The following THOC7 variants were observed in gnomAD, a reference collection of about 807,000 sequenced individuals.
The protein encoded by THOC7 is THO complex subunit 7, also known as NIF3L1-binding protein 1.
A neutral mutation model predicts 33.1 loss-of-function variants in THOC7; 22 were observed. The ratio of observed to expected loss-of-function variants is 0.66; its 90% CI spans 0.47 to 0.95. THOC7 has a LOEUF of 0.95. Among genes scored for constraint, THOC7 ranks in the 40% least tolerant of loss-of-function variants. The pLI is 0.00. For synonymous variants in THOC7, 77 were observed against 76.8 expected, an observed-to-expected ratio of 1.00 and a Z score of -0.01; for missense variants, 184 against 245.3, an observed-to-expected ratio of 0.75 and a Z score of 1.67.
intron 1 of THOC7, among the ~76,000 whole-genome samples, chr3:63,859,000 G>C (rs1702160628): frequency 2.6e-5 from 4 of 152,216 alleles, no homozygotes; most frequent in African/African-American, 4.8e-5. Flanking sequence ...AAGGGACAGT[G>C]ATACAGGCAC....
Position 63,835,163 on chromosome 3 carries a change from T to A in THOC7, c.538A>T (p.Thr180Ser). The A allele has an allele frequency of 6.2e-7, 1 of 1,613,502 alleles. No individual in the cohort carries two copies. Among genetic ancestry groups the A allele is most frequent in the South Asian group, 1.1e-5 (1 of 90,974 alleles). The change falls in exon 7 of 8, where the codon ACA becomes TCA. Residue 180 changes from threonine (T) to serine (S), a missense_variant. Around this residue, in one of 3 missense-constraint regions of THOC7, gnomAD observed 2 missense variants for 17.6 expected, o/e 0.11. Coordinates refer to ENST00000295899, the MANE Select transcript of THOC7 (RefSeq NM_025075.4). ...GACTATTTCTACTTACTTTCCAATGTTTGCTGAAGTTCATGGATGGTACTA... is the reference window on the plus strand; with the variant it reads ...GACTATTTCTACTTACTTTCCAATGATTGCTGAAGTTCATGGATGGTACTA... ...LLSTIHELQQ[T>S]LENDEKLSEV...
Position 63,838,484 on chromosome 3 carries a change from T to C in THOC7, c.153A>G (p.Gln51=). The change falls in exon 3 of 8, where the codon CAA becomes CAG. Residue 51 remains glutamine (Q), a synonymous_variant. Transcript: ENST00000295899. ...ATTGAGACAGCGTGCTCAGCATACG[T>C]TGGTACTGGCTATATCTAATGAAAA... ...GSQEEGYSQY[Q]RMLSTLSQCE... 2 of 1,607,020 alleles carry C rather than the reference T, an allele frequency of 1.2e-6. No individual in the cohort carries two copies. The highest frequency in any genetic ancestry group is 1.1e-5 in the South Asian group (1 of 89,316).
At position 63,834,135 on chromosome 3, in the gene THOC7, T is replaced by C. The variant is rs775443539; in HGVS notation, c.612A>G (p.Pro204=). 12 of 1,614,018 alleles carry C rather than the reference T, an allele frequency of 7.4e-6. No individual in the cohort carries two copies. In the African/African-American group the frequency reaches 1.3e-4, roughly 18 times the overall value. The change falls in exon 8 of 8, where the codon CCA becomes CCG. Residue 204 remains proline (P), a synonymous_variant. Coordinates refer to ENST00000295899, the MANE Select transcript of THOC7 (RefSeq NM_025075.4). ...GAGTGGTGGGCAATTAGCCTGTCTATGGCTTAGGATCTGTTTCCATGCTTG... is the reference window on the plus strand; with the variant it reads ...GAGTGGTGGGCAATTAGCCTGTCTACGGCTTAGGATCTGTTTCCATGCTTG... ...QEASMETDPK[P]
chr3:63,859,957 A>G (rs1338351440), intron 1 of THOC7, among the ~76,000 whole-genome samples: 1 of 152,134 alleles, frequency 6.6e-6, no homozygotes, highest in African/African-American at 2.4e-5. Context: ...CACCTAAACC[A>G]CATTGTCCAT....
intron 5 of THOC7, 48 bp from the exon 6 acceptor site, chr3:63,835,438 G>A: frequency 1.9e-6 from 3 of 1,552,772 alleles, no homozygotes; most frequent in African/African-American, 1.4e-5. Flanking sequence ...GGGGAGAAGA[G>A]TTTACAATTA....
chr3:63,863,884 A>C, upstream of THOC7: 2 of 1,163,684 alleles, frequency 1.7e-6, no homozygotes, highest in Non-Finnish European at 2.1e-6. Context: ...AGCCGGGTAA[A>C]CAGCCATGGA....
chr3:63,862,728 TAC>T (rs980066341), intron 1 of THOC7, among the ~76,000 whole-genome samples: 1 of 152,130 alleles, frequency 6.6e-6, no homozygotes, highest in Non-Finnish European at 1.5e-5. Context: ...CACAGGCATT[TAC>T]AGTTACCGGT....
chr3:63,863,950 CG>C (rs2107180284), upstream of THOC7: 1 of 75,280 alleles, frequency 1.3e-5, no homozygotes, highest in Non-Finnish European at 2.7e-5. Flanking sequence ...CGCGCCGCGC[CG>C]CGCCGCCGCC....
intron 1 of THOC7, chr3:63,844,926 C>T (rs1173657611): frequency 1.8e-5 from 10 of 570,152 alleles, no homozygotes; most frequent in Admixed American, 1.4e-4. Flanking sequence ...TGCTATAATA[C>T]CTGAAAATGT....
chr3:63,863,853 G>A, upstream of THOC7: 1 of 1,216,444 alleles, frequency 8.2e-7, no homozygotes, highest in Non-Finnish European at 1.0e-6. Context: ...GGCGGCGGCG[G>A]AGGTCAAACT....
chr3:63,838,447 T>TTTTC lies in THOC7; in HGVS notation c.189_190insGAAA (p.Met64GlufsTer10). 6.2e-7 allele frequency: 1 copy of TTTTC among 1,610,576 alleles called. No individual in the cohort carries two copies. Among genetic ancestry groups the TTTTC allele is most frequent in the Non-Finnish European group, 8.5e-7 (1 of 1,178,930 alleles). On this transcript the variant is annotated frameshift_variant, in exon 3 of 8. Transcript: ENST00000295899. LOFTEE classifies it high-confidence loss of function. ...TCATATACTAGTAAAGTTTTGCCCA[T>TTTTC]TGAAAATTCACATTGAGACAGCGTG...
intron 1 of THOC7, among the ~76,000 whole-genome samples, chr3:63,855,988 CT>C (rs2107161373): frequency 6.6e-6 from 1 of 152,304 alleles, no homozygotes; most frequent in Admixed American, 6.5e-5. Context: ...TACCTTTTGA[CT>C]TATCTTTTAG....
At chr3:63,863,891 T>A, upstream of THOC7, 2 of 1,134,286 alleles carry the variant, frequency 1.8e-6, no homozygotes, top group Non-Finnish European at 2.2e-6. Context: ...TAAACAGCCA[T>A]GGAGGAGGAG....
At chr3:63,854,522 C>A (rs1462104087) in intron 1 of THOC7, 2 of 152,080 alleles carry the variant, frequency 1.3e-5, no homozygotes, top group Non-Finnish European at 2.9e-5. Flanking sequence ...TTTATGTTAT[C>A]AACATCACTC....
rs1262218410 is a variant in THOC7 at position 63,838,064 on chromosome 3, T to C, written c.266-2A>G. The C allele has an allele frequency of 6.3e-7, 1 of 1,590,722 alleles. No individual in the cohort carries two copies. Among genetic ancestry groups the C allele is most frequent in the Non-Finnish European group, 8.5e-7 (1 of 1,172,334 alleles). On this transcript the variant is annotated splice_acceptor_variant, in intron 3 of 7. Transcript: ENST00000295899. LOFTEE classifies it high-confidence loss of function. The stretch of plus-strand genomic sequence containing the variant: ...CATGTGCTCCAGCTATGCTACATTC[T>C]ATATGAGAAGGTTTTTTAAAAGATA...
At chr3:63,841,239 T>A (rs571202466) in intron 1 of THOC7, among the ~76,000 whole-genome samples, 1 of 152,186 alleles carries the variant, frequency 6.6e-6, no homozygotes, top group African/African-American at 2.4e-5. Flanking sequence ...CACACATGCA[T>A]GTGTGTATTC....
At chr3:63,860,083 C>T (rs1222379163) in intron 1 of THOC7, among the ~76,000 whole-genome samples, 1 of 152,152 alleles carries the variant, frequency 6.6e-6, no homozygotes, top group Non-Finnish European at 1.5e-5. Context: ...ATCCTCCTGC[C>T]TCAGCCTCCT....
chr3:63,854,843 C>T (rs1251056389), intron 1 of THOC7: 4 of 151,932 alleles, frequency 2.6e-5, no homozygotes, highest in African/African-American at 9.7e-5. Flanking sequence ...CCCGTCTCTA[C>T]TAAAAATACA....
chr3:63,846,944 C>A (rs1701910775), intron 1 of THOC7, among the ~76,000 whole-genome samples: 1 of 152,182 alleles, frequency 6.6e-6, no homozygotes, highest in East Asian at 1.9e-4. Flanking sequence ...TGACAACCAG[C>A]AACCTAGAAT....
Sources: allele counts gnomAD v4.1 joint callset (sites outside exome capture counted in the v4.1 genomes callset), GRCh38; gene constraint gnomAD v4.1.1; regional missense constraint gnomAD v4.1.1; transcripts MANE v1.5; gene names NCBI Gene and HGNC (gene_info 2026-07-23, HGNC 2026-07-21).